The following RHOBTB1 variants were observed in gnomAD, a reference collection of about 807,000 sequenced individuals.
The protein encoded by RHOBTB1 is Rho related BTB domain containing 1.
In RHOBTB1, 40 loss-of-function variants were observed where a neutral mutation model predicts 71.6. That is an observed-to-expected ratio of 0.56 (90% CI 0.43 to 0.73). RHOBTB1 has a LOEUF of 0.73. RHOBTB1 is among the 30% of genes least tolerant of loss of function. The pLI is 0.00. For missense variants in RHOBTB1, 797 were observed against 894.0 expected, an observed-to-expected ratio of 0.89 and a Z score of 1.38; for synonymous variants, 319 against 334.9, an observed-to-expected ratio of 0.95 and a Z score of 0.52.
chr10:60,878,557 A>G (rs1158764753), intron 7 of RHOBTB1, among the ~76,000 whole-genome samples: 5 of 152,248 alleles, frequency 3.3e-5, no homozygotes, highest in Non-Finnish European at 7.3e-5. Context: ...TATGCACAAT[A>G]TATTACAATG....
intron 8 of RHOBTB1, among the ~76,000 whole-genome samples, chr10:60,875,967 C>A (rs2081033362): frequency 6.6e-6 from 1 of 152,226 alleles, no homozygotes; most frequent in African/African-American, 2.4e-5. Flanking sequence ...TCTAATCCAG[C>A]ACATTGTCCA....
intron 2 of RHOBTB1, among the ~76,000 whole-genome samples, chr10:60,959,903 C>A (rs1421370174): frequency 6.6e-6 from 1 of 152,152 alleles, no homozygotes; most frequent in Non-Finnish European, 1.5e-5. Context: ...GTAAATGGAG[C>A]ACTTAACATA....
At chr10:60,917,833 T>C (rs2083348968) in intron 2 of RHOBTB1, among the ~76,000 whole-genome samples, 1 of 152,210 alleles carries the variant, frequency 6.6e-6, no homozygotes, top group African/African-American at 2.4e-5. Context: ...TTGCAAATTC[T>C]AGTCATTCCT....
At chr10:60,898,954 C>T (rs906962672) in intron 4 of RHOBTB1, among the ~76,000 whole-genome samples, 8 of 152,110 alleles carry the variant, frequency 5.3e-5, no homozygotes, top group African/African-American at 9.7e-5. Flanking sequence ...TGGCAAAAAC[C>T]GCAATTACGT....
chr10:60,935,537 C>T (rs1331977192), intron 2 of RHOBTB1, among the ~76,000 whole-genome samples: 1 of 151,874 alleles, frequency 6.6e-6, no homozygotes, highest in Non-Finnish European at 1.5e-5. Flanking sequence ...ACTGTGGGCT[C>T]TAAGTTCTTT....
At chr10:60,921,016 G>A (rs1364019572) in intron 2 of RHOBTB1, among the ~76,000 whole-genome samples, 2 of 148,806 alleles carry the variant, frequency 1.3e-5, no homozygotes, top group Non-Finnish European at 3.0e-5. Context: ...GCAATCACAT[G>A]ATAGCTCACT....
At chr10:60,941,512 G>T (rs187484159) in intron 2 of RHOBTB1, among the ~76,000 whole-genome samples, 47 of 152,182 alleles carry the variant, frequency 3.1e-4, no homozygotes, top group African/African-American at 1.1e-3. Flanking sequence ...CAAGCATCCA[G>T]ATCCCCAGTA....
At position 60,911,651 on chromosome 10, in the gene RHOBTB1, T is replaced by C. The variant is rs1006060674; in HGVS notation, c.-10-99A>G. On this transcript the variant is annotated intron_variant, in intron 2 of 10. Transcript: ENST00000337910. ...GGGAGTTTTGCCTTCGTCCAGCCAC[T>C]TCCTTGGAGGTGCACAAGCACAGGA... 7.7e-5 allele frequency: 71 copies of C among 921,202 alleles called. 1 individual carries two copies. In the African/African-American group the frequency reaches 9.6e-4, roughly 12 times the overall value. 57.1% of individuals were successfully genotyped at this position (921,202 alleles called of 1,614,324 possible).
chr10:60,940,273 C>T (rs1400309961), intron 2 of RHOBTB1, among the ~76,000 whole-genome samples: 6 of 152,080 alleles, frequency 3.9e-5, no homozygotes, highest in African/African-American at 1.2e-4. Context: ...ATTTGTTCCC[C>T]ATTTCATTTT....
intron 1 of RHOBTB1, among the ~76,000 whole-genome samples, chr10:60,992,926 C>T (rs1319887183): frequency 2.0e-5 from 3 of 152,248 alleles, no homozygotes; most frequent in African/African-American, 7.2e-5. Flanking sequence ...ATTGTATTTG[C>T]TCTCTCAAAG....
intron 4 of RHOBTB1, among the ~76,000 whole-genome samples, chr10:60,908,609 T>C (rs1202228500): frequency 6.6e-6 from 1 of 152,118 alleles, no homozygotes; most frequent in South Asian, 2.1e-4. Context: ...AGCCGGGAAA[T>C]GTACTGGTTA....
At position 60,992,969 on chromosome 10, in the gene RHOBTB1, A is replaced by G. The variant is rs989477316; in HGVS notation, c.-162-7024T>C. Among the ~76,000 whole-genome samples, 37 of 152,336 alleles carry G rather than the reference A, an allele frequency of 2.4e-4. 2 individuals carry two copies. The highest frequency in any genetic ancestry group is 1.9e-3 in the Admixed American group (29 of 15,306). ...TCGTAGAAGTCCCAGATAGACTCCT[A>G]TCCAAGGAAACTAAGGTTAGCAGGA... On this transcript the variant is annotated intron_variant, in intron 1 of 11. Coordinates refer to the RHOBTB1 transcript ENST00000357917.
intron 4 of RHOBTB1, among the ~76,000 whole-genome samples, chr10:60,905,449 CAAAAAAAAA>C (rs35538782): frequency 8.2e-5 from 4 of 48,990 alleles, no homozygotes; most frequent in Admixed American, 2.7e-4. Context: ...GACTCTTTCT[CAAAAAAAAA>C]AAAAAAAAAA....
rs754214593 is a variant in RHOBTB1 at position 60,871,606 on chromosome 10, T to C, written c.1967A>G (p.Tyr656Cys). 6.2e-7 allele frequency: 1 copy of C among 1,614,132 alleles called. No homozygotes were observed. Among genetic ancestry groups the C allele is most frequent in the Admixed American group, 1.7e-5 (1 of 60,018 alleles). ...FERHRWPPVW[Y>C]LKEEDHYQRV... is the part of the protein sequence containing the mutation. Reference sequence around the variant, plus strand: ...CTGGTAGTGATCTTCTTCCTTCAGGTACCACACAGGGGGCCAGCGGTGCCG... The same window carrying C: ...CTGGTAGTGATCTTCTTCCTTCAGGCACCACACAGGGGGCCAGCGGTGCCG... The change falls in exon 11 of 11, where the codon TAC becomes TGC. Residue 656 changes from tyrosine to cysteine, a missense_variant. Tyr to Cys is a radical substitution (Grantham distance 194). Coordinates refer to ENST00000337910, the MANE Select transcript of RHOBTB1 (RefSeq NM_014836.5).
chr10:60,869,401 CA>C (rs2080677093), downstream of RHOBTB1: 1 of 152,538 alleles, frequency 6.6e-6, no homozygotes, highest in South Asian at 2.1e-4. Context: ...ATCACACACA[CA>C]ATATGATGTC....
intron 1 of RHOBTB1, among the ~76,000 whole-genome samples, chr10:60,999,487 G>A (rs1434660198): frequency 6.6e-6 from 1 of 152,208 alleles, no homozygotes; most frequent in Non-Finnish European, 1.5e-5. Context: ...ACCATGCTAA[G>A]AGAAAAATGT....
At chr10:60,878,583 A>G (rs1304309655) in intron 7 of RHOBTB1, among the ~76,000 whole-genome samples, 5 of 152,252 alleles carry the variant, frequency 3.3e-5, no homozygotes, top group Non-Finnish European at 7.3e-5. Context: ...CACAACGTAT[A>G]CACTTCATTA....
At chr10:60,898,701 A>G (rs912534234) in intron 4 of RHOBTB1, among the ~76,000 whole-genome samples, 3 of 152,158 alleles carry the variant, frequency 2.0e-5, no homozygotes, top group African/African-American at 7.2e-5. Context: ...TTAAGTACAG[A>G]TGTTATGTGG....
chr10:60,923,869 C>T (rs1047954910), intron 2 of RHOBTB1, among the ~76,000 whole-genome samples: 2 of 152,138 alleles, frequency 1.3e-5, no homozygotes, highest in Non-Finnish European at 2.9e-5. Context: ...GTGAGGCCTC[C>T]TCAGCCACAT....
Sources: gnomAD v4.1 joint callset for allele counts (sites outside exome capture counted in the v4.1 genomes callset) on GRCh38, gnomAD v4.1.1 for gene constraint, MANE v1.5 for transcripts, NCBI Gene and HGNC (gene_info 2026-07-23, HGNC 2026-07-21) for gene names.